The following PLXNA4 variants were observed in gnomAD, a reference collection of about 807,000 sequenced individuals.
PLXNA4 encodes the protein plexin A4, also known as plexin-A4.
In PLXNA4, 44 loss-of-function variants were observed where a neutral mutation model predicts 191.8. That is an observed-to-expected ratio of 0.23 (90% confidence interval 0.18 to 0.29). The LOEUF is 0.29. PLXNA4 is among the 10% of genes least tolerant of loss of function. The probability of loss-of-function intolerance (pLI) is 1.00; values close to 1 mark genes in which losing one functional copy is unlikely to be tolerated. For missense variants in PLXNA4, 1,800 were observed against 2,488.8 expected (o/e 0.72, Z 5.89); for synonymous variants, 1,082 against 1,009.5 (o/e 1.07, Z -1.36).
chr7:132,190,748 G>T (rs778899303), intron 14 of PLXNA4, among the ~76,000 whole-genome samples: 56 of 152,266 alleles, frequency 3.7e-4, no homozygotes, highest in Middle Eastern at 6.8e-3. Flanking sequence ...GGTGATTCTA[G>T]CCCTGTCCAC....
intron 1 of PLXNA4, among the ~76,000 whole-genome samples, chr7:132,511,319 G>C (rs750105984): frequency 6.6e-6 from 1 of 152,206 alleles, no homozygotes; most frequent in Non-Finnish European, 1.5e-5. Flanking sequence ...CTTTAGCTCT[G>C]CAAGGACACT....
chr7:132,561,318 CTCCTCCTCT>C lies in PLXNA4; in HGVS notation c.-87+15095_-87+15103del, dbSNP rs1328935175. Among the ~76,000 whole-genome samples, 454 of 150,408 alleles carry C rather than the reference CTCCTCCTCT, an allele frequency of 3.0e-3. 4 individuals are homozygous for C. Among genetic ancestry groups the C allele is most frequent in the African/African-American group, 9.5e-3 (385 of 40,732 alleles). ...CCTTCTCCTCCTCTTTCTCCTTCTT[CTCCTCCTCT>C]TCCTCCTCTTCCTCCTCCTCCTCTT... On this transcript the variant is annotated intron_variant, in intron 1 of 31. Coordinates refer to ENST00000321063, the MANE Select transcript of PLXNA4 (RefSeq NM_020911.2).
chr7:132,275,063 G>A (rs1483362783), intron 4 of PLXNA4, among the ~76,000 whole-genome samples: 2 of 152,044 alleles, frequency 1.3e-5, no homozygotes, highest in Non-Finnish European at 2.9e-5. Flanking sequence ...TCAATACTTT[G>A]AGACTATGCA....
chr7:132,551,652 C>A lies in PLXNA4; in HGVS notation c.-87+24770G>T, dbSNP rs572560240. 1.1e-4 allele frequency among the ~76,000 whole-genome samples: 16 copies of A among 152,184 alleles called. 1 individual carries two copies. The South Asian group carries it at 2.9e-3, about 28-fold the overall frequency. ...TCTCAATTGCCCTCTAGTTTCCCCA[C>A]CCCAATATTGCAGTGTCTATGATCA... On this transcript the variant is annotated intron_variant, in intron 1 of 31. Coordinates refer to ENST00000321063, the MANE Select transcript of PLXNA4 (RefSeq NM_020911.2).
chr7:132,151,130 A>G (rs542010813), intron 25 of PLXNA4, among the ~76,000 whole-genome samples: 1 of 152,320 alleles, frequency 6.6e-6, no homozygotes, highest in South Asian at 2.1e-4. Context: ...TCCTAGACAG[A>G]AAAAAATTGC....
rs532595808 is a variant in PLXNA4, at chr7:132,633,572, C to A, written c.-87+12356G>T. On this transcript the variant is annotated intron_variant, in intron 2 of 4. Transcript: ENST00000378539. ...CTGGGATTACAGGCGTAAGCCACCA[C>A]CCCCCACCAAGGTTCTCATTCTTGT... is the stretch of plus-strand genomic sequence containing the variant. 2.0e-5 allele frequency among the ~76,000 whole-genome samples: 3 copies of A among 152,224 alleles called. No individual in the cohort carries two copies. In the South Asian group the frequency reaches 6.2e-4, roughly 32 times the overall value.
upstream of PLXNA4, among the ~76,000 whole-genome samples, chr7:132,579,818 G>T (rs1802369009): frequency 2.0e-5 from 3 of 152,122 alleles, 1 homozygote; most frequent in South Asian, 6.2e-4. Flanking sequence ...CATACCAAAG[G>T]GGGCAGTTAT....
At chr7:132,622,920 T>C (rs1803297200) in intron 2 of PLXNA4, among the ~76,000 whole-genome samples, 1 of 152,178 alleles carries the variant, frequency 6.6e-6, no homozygotes, top group African/African-American at 2.4e-5. Flanking sequence ...TGCCCAGCAT[T>C]TCTCATGAAG....
intron 3 of PLXNA4, among the ~76,000 whole-genome samples, chr7:132,377,845 G>A (rs1804723456): frequency 6.6e-6 from 1 of 152,166 alleles, no homozygotes; most frequent in African/African-American, 2.4e-5. Flanking sequence ...ATGGATGGCA[G>A]GGGAGAGTGC....
intron 1 of PLXNA4, among the ~76,000 whole-genome samples, chr7:132,533,660 C>T (rs549015008): frequency 6.6e-6 from 1 of 152,374 alleles, no homozygotes; most frequent in South Asian, 2.1e-4. Flanking sequence ...CCTCGGGGAG[C>T]TCTGATCAGT....
chr7:132,165,001 A>C (rs569403807), intron 23 of PLXNA4, 133 bp downstream of exon 23: 2 of 1,347,120 alleles, frequency 1.5e-6, no homozygotes, highest in South Asian at 3.1e-5. Context: ...CATGATAAGG[A>C]TGAATTCCAT....
intron 4 of PLXNA4, among the ~76,000 whole-genome samples, chr7:132,246,586 T>C (rs1562989453): frequency 6.6e-6 from 1 of 152,204 alleles, no homozygotes; most frequent in Admixed American, 6.5e-5. Context: ...TTCACAGTTA[T>C]GGCCAGAAAT....
intron 3 of PLXNA4, among the ~76,000 whole-genome samples, chr7:132,373,934 G>A (rs1330388104): frequency 1.3e-5 from 2 of 152,136 alleles, no homozygotes; most frequent in Non-Finnish European, 2.9e-5. Flanking sequence ...ATTTAATAGG[G>A]ATATATAAGA....
At chr7:132,225,629 G>A (rs1798295846) in intron 8 of PLXNA4, among the ~76,000 whole-genome samples, 1 of 147,558 alleles carries the variant, frequency 6.8e-6, no homozygotes, top group African/African-American at 2.7e-5. Flanking sequence ...CCCCCCCACA[G>A]CTTTCTGCCT....
At chr7:132,457,144 G>A (rs868280390) in intron 3 of PLXNA4, among the ~76,000 whole-genome samples, 15 of 152,102 alleles carry the variant, frequency 9.9e-5, no homozygotes, top group African/African-American at 3.6e-4. Context: ...GCTTCCCCTT[G>A]TGTTAACATG....
intron 20 of PLXNA4, among the ~76,000 whole-genome samples, chr7:132,178,258 A>C (rs1796542401): frequency 6.6e-6 from 1 of 151,956 alleles, no homozygotes; most frequent in Non-Finnish European, 1.5e-5. Flanking sequence ...AGAGTGCAAA[A>C]CCCACTCAAC....
chr7:132,388,743 C>T (rs1355997837), intron 3 of PLXNA4, among the ~76,000 whole-genome samples: 1 of 152,206 alleles, frequency 6.6e-6, no homozygotes, highest in African/African-American at 2.4e-5. Context: ...AAGACAGAAA[C>T]TGTCTCAACC....
In PLXNA4 at chr7:132,130,351, G is replaced by C; in HGVS notation, c.*128C>G. 1.5e-6 allele frequency: 2 copies of C among 1,295,440 alleles called. No individual in the cohort carries two copies. The highest frequency in any genetic ancestry group is 2.2e-6 in the Non-Finnish European group (2 of 923,132). 80.2% of individuals were successfully genotyped at this position (1,295,440 alleles called of 1,614,324 possible). A position where few individuals can be genotyped will look rare whatever the true frequency, so the allele number is the denominator to read the frequency against. ...AAACGGAAAGAGGCAGAGAGAAAGA[G>C]AGAGAAACAGCGCTGCTCAGGGGAT... On this transcript the variant is annotated 3_prime_UTR_variant, in exon 32 of 32. Transcript: ENST00000321063.
At chr7:132,346,181 T>C (rs1303723596) in intron 3 of PLXNA4, among the ~76,000 whole-genome samples, 3 of 152,226 alleles carry the variant, frequency 2.0e-5, no homozygotes, top group African/African-American at 7.2e-5. Context: ...ACTTGTTTGA[T>C]GTCTCCGAGC....
Sources: gnomAD v4.1 joint callset for allele counts (sites outside exome capture counted in the v4.1 genomes callset) on GRCh38, gnomAD v4.1.1 for gene constraint, MANE v1.5 for transcripts, NCBI Gene and HGNC (gene_info 2026-07-23, HGNC 2026-07-21) for gene names.